The following NLGN4Y variants were observed in gnomAD, a reference collection of about 807,000 sequenced individuals.
The protein encoded by NLGN4Y is neuroligin 4 Y-linked.
A neutral mutation model predicts 8.4 loss-of-function variants in NLGN4Y; 4 were observed. That is an observed-to-expected ratio of 0.48 (90% CI 0.23 to 1.09). The LOEUF is 1.09. Among genes scored for constraint, NLGN4Y ranks in the 50% least tolerant of loss-of-function variants. NLGN4Y has a pLI of 0.19. For missense variants in NLGN4Y, 90 were observed against 192.3 expected (o/e 0.47, Z 3.15); for synonymous variants, 35 against 75.6 (o/e 0.46, Z 2.78).
chrY:14,587,071 G>C, intron 1 of NLGN4Y, among the ~76,000 whole-genome samples: 2 of 33,216 alleles, frequency 6.0e-5, no homozygotes, highest in Non-Finnish European at 1.5e-4. Flanking sequence ...ATTTGTTATT[G>C]TTGTTCTTAC....
intron 2 of NLGN4Y, among the ~76,000 whole-genome samples, chrY:14,670,830 A>C (rs2080707906): frequency 3.0e-5 from 1 of 33,879 alleles, no homozygotes; most frequent in Non-Finnish European, 7.3e-5. Flanking sequence ...ATACACATAG[A>C]TATGAATGCA....
chrY:14,552,852 A>C, intron 1 of NLGN4Y, among the ~76,000 whole-genome samples: 1 of 33,942 alleles, frequency 2.9e-5, no homozygotes, highest in Non-Finnish European at 7.3e-5. Flanking sequence ...TCCCTTTGAA[A>C]ACTGGCACAA....
chrY:14,635,531 TTTTTC>T (rs2080562444), intron 2 of NLGN4Y, among the ~76,000 whole-genome samples: 10 of 31,882 alleles, frequency 3.1e-4, no homozygotes, highest in South Asian at 2.1e-3. Flanking sequence ...TCTTCATTTC[TTTTTC>T]TTTTCTTTTC....
chrY:14,592,717 G>C (rs999386829), intron 1 of NLGN4Y, among the ~76,000 whole-genome samples: 14 of 33,305 alleles, frequency 4.2e-4, no homozygotes, highest in Non-Finnish European at 8.9e-4. Context: ...AAACAACTCT[G>C]TTCCCTGTTC....
At chrY:14,542,698 A>G in intron 1 of NLGN4Y, among the ~76,000 whole-genome samples, 1 of 33,293 alleles carries the variant, frequency 3.0e-5, no homozygotes, top group Non-Finnish European at 7.4e-5. Flanking sequence ...GTATTGCGGC[A>G]CTATTCACAA....
intron 1 of NLGN4Y, among the ~76,000 whole-genome samples, chrY:14,540,055 C>G: frequency 4.5e-5 from 1 of 22,382 alleles, no homozygotes; most frequent in Non-Finnish European, 9.6e-5. Context: ...TGAAATCTCG[C>G]TGCCAGCACA....
At chrY:14,546,641 G>C in intron 1 of NLGN4Y, among the ~76,000 whole-genome samples, 1 of 31,632 alleles carries the variant, frequency 3.2e-5, no homozygotes, top group Non-Finnish European at 7.7e-5. Flanking sequence ...CTGAGACATT[G>C]CTGAAGTTGC....
At chrY:14,588,864 CT>C (rs2080350632) in intron 1 of NLGN4Y, among the ~76,000 whole-genome samples, 1 of 32,052 alleles carries the variant, frequency 3.1e-5, no homozygotes, top group East Asian at 8.2e-4. Flanking sequence ...AGGAGTGAAG[CT>C]GCAGACCTTC....
intron 2 of NLGN4Y, among the ~76,000 whole-genome samples, chrY:14,680,745 T>A: frequency 3.0e-5 from 1 of 33,222 alleles, no homozygotes; most frequent in Non-Finnish European, 7.4e-5. Context: ...TCCATGTGGG[T>A]TAATCTAAAG....
intron 6 of NLGN4Y, among the ~76,000 whole-genome samples, chrY:14,837,287 T>G (rs915576049): frequency 3.0e-5 from 1 of 33,876 alleles, no homozygotes. Flanking sequence ...CCTGTACTAC[T>G]TAAAGGAACA....
intron 4 of NLGN4Y, among the ~76,000 whole-genome samples, chrY:14,723,722 G>T: frequency 3.0e-5 from 1 of 33,697 alleles, no homozygotes; most frequent in South Asian, 6.5e-4. Flanking sequence ...ATATGAATTA[G>T]TATATTGTAT....
chrY:14,570,392 G>T, intron 1 of NLGN4Y, among the ~76,000 whole-genome samples: 1 of 32,586 alleles, frequency 3.1e-5, no homozygotes, highest in East Asian at 8.3e-4. Flanking sequence ...AAGGGTCAGA[G>T]ATAAACCTTC....
At chrY:14,587,915 T>C in intron 1 of NLGN4Y, among the ~76,000 whole-genome samples, 5 of 33,458 alleles carry the variant, frequency 1.5e-4, no homozygotes, top group African/African-American at 5.9e-4. Context: ...CAAATTCCCT[T>C]CTGCACAAGC....
chrY:14,697,766 G>A (rs899468729), intron 2 of NLGN4Y, among the ~76,000 whole-genome samples: 1 of 32,222 alleles, frequency 3.1e-5, no homozygotes. Context: ...ATTCCTGTGC[G>A]CCAATCCTTC....
chrY:14,838,122 T>G, intron 6 of NLGN4Y, among the ~76,000 whole-genome samples: 5 of 33,784 alleles, frequency 1.5e-4, no homozygotes, highest in Admixed American at 1.3e-3. Context: ...TTATAATTAT[T>G]TCAGAAGGCT....
intron 2 of NLGN4Y, among the ~76,000 whole-genome samples, chrY:14,694,444 A>C: frequency 3.0e-5 from 1 of 33,639 alleles, no homozygotes; most frequent in Non-Finnish European, 7.4e-5. Context: ...AAAGGTTACC[A>C]TCTCTCTGGA....
intron 1 of NLGN4Y, among the ~76,000 whole-genome samples, chrY:14,588,532 A>T: frequency 5.9e-5 from 2 of 34,113 alleles, no homozygotes; most frequent in Non-Finnish European, 1.5e-4. Context: ...CTACAATTCT[A>T]GATGAGATTT....
chrY:14,738,657 G>T, intron 4 of NLGN4Y, among the ~76,000 whole-genome samples: 2 of 32,171 alleles, frequency 6.2e-5, no homozygotes, highest in African/African-American at 2.4e-4. Context: ...ACTCATATCC[G>T]CAGGGCTATG....
At chrY:14,809,399 C>T in intron 4 of NLGN4Y, among the ~76,000 whole-genome samples, 4 of 33,095 alleles carry the variant, frequency 1.2e-4, no homozygotes, top group Non-Finnish European at 2.2e-4. Context: ...TGCTTGAATC[C>T]AGGAGGTGGT....
Sources: gnomAD v4.1 joint callset for allele counts (sites outside exome capture counted in the v4.1 genomes callset) on GRCh38, gnomAD v4.1.1 for gene constraint, MANE v1.5 for transcripts, NCBI Gene and HGNC (gene_info 2026-07-23, HGNC 2026-07-21) for gene names.